DIS3L: variants seen among roughly 807,000 people sequenced by gnomAD.
DIS3L encodes the protein DIS3 like exosome 3'-5' exoribonuclease.
A neutral mutation model predicts 120.3 loss-of-function variants in DIS3L; 100 were observed. The observed-to-expected ratio is 0.83, with a 90% CI of 0.71 to 0.98. DIS3L has a LOEUF of 0.98. Ranked by LOEUF, DIS3L falls within the 50% of genes least tolerant of loss-of-function variation. DIS3L has a pLI of 0.00. For missense variants in DIS3L, 1,196 were observed against 1,314.2 expected, an observed-to-expected ratio of 0.91 and a Z score of 1.39; for synonymous variants, 426 against 470.6, an observed-to-expected ratio of 0.91 and a Z score of 1.23.
At position 66,318,560 on chromosome 15, in the gene DIS3L, C is replaced by T; in HGVS notation, c.1106C>T (p.Pro369Leu). 1 of 1,614,020 alleles carries T rather than the reference C, an allele frequency of 6.2e-7. No individual in the cohort carries two copies. The highest frequency in any genetic ancestry group is 8.5e-7 in the Non-Finnish European group (1 of 1,180,020). ...GKNAQKILVT[P>L]WDYRIPKIRI... ...AATGCTCAGAAAATCCTGGTTACAC[C>T]TTGGGATTACAGAATTCCCAAAATT... is the stretch of plus-strand genomic sequence containing the variant. The change falls in exon 8 of 17, where the codon CCT (proline) becomes CTT (leucine). Residue 369 changes from proline (P) to leucine (L), a missense_variant. Transcript: ENST00000319212.
In DIS3L at chr15:66,329,028, G is replaced by A; in HGVS notation, c.2260G>A (p.Val754Met). Residue 754 changes from valine (V) to methionine (M), a missense_variant, in exon 13 of 17, where the codon GTG becomes ATG. Val to Met is a conservative substitution (Grantham distance 21, BLOSUM62 1). Transcript: ENST00000319212. ...DNANDPHDPIVNRLLRSMATQ... is the reference protein window; with the variant it reads ...DNANDPHDPIMNRLLRSMATQ... The stretch of plus-strand genomic sequence containing the variant: ...TGCGAACGACCCCCACGATCCCATT[G>A]TGAACAGGCTACTGCGCTCCATGGC... The A allele has an allele frequency of 6.2e-7, 1 of 1,614,218 alleles. No individual in the cohort carries two copies. Among genetic ancestry groups the A allele is most frequent in the Non-Finnish European group, 8.5e-7 (1 of 1,180,038 alleles).
chr15:66,301,547 C>A (rs779184916), intron 2 of DIS3L, among the ~76,000 whole-genome samples: 72 of 152,146 alleles, frequency 4.7e-4, no homozygotes, highest in Non-Finnish European at 9.0e-4. Flanking sequence ...TCCCAAAGTG[C>A]TAGGATTACA....
chr15:66,324,631 T>G lies in DIS3L; in HGVS notation c.1667+1046T>G, dbSNP rs72748368. 8.2e-3 allele frequency among the ~76,000 whole-genome samples: 1,243 copies of G among 152,348 alleles called. 10 individuals are homozygous for G. Among genetic ancestry groups the G allele is most frequent in the Admixed American group, 0.014 (208 of 15,300 alleles). ...CAGTTATATTCCTGTCACCAATGTA[T>G]GAGAGTGCATATTTTCCTATAGCCT... On this transcript the variant is annotated intron_variant, in intron 11 of 16. Transcript: ENST00000319212.
chr15:66,311,648 G>C, intron 4 of DIS3L, 76 bp from the exon 5 acceptor site: 1 of 1,558,276 alleles, frequency 6.4e-7, no homozygotes, highest in Non-Finnish European at 8.8e-7. Flanking sequence ...TTCCTAGTCA[G>C]GAGTTTCTGT....
At chr15:66,317,344 G>GAA (rs1555403133) in intron 7 of DIS3L, among the ~76,000 whole-genome samples, 11 of 79,076 alleles carry the variant, frequency 1.4e-4, no homozygotes, top group Admixed American at 2.8e-4. Flanking sequence ...AATATTTGTG[G>GAA]GAAAAAAAAA....
intron 11 of DIS3L, among the ~76,000 whole-genome samples, chr15:66,324,160 T>A (rs772805750): frequency 2.6e-5 from 4 of 152,084 alleles, no homozygotes; most frequent in Non-Finnish European, 5.9e-5. Context: ...TGGTTGCATT[T>A]TATATATATA....
chr15:66,307,570 G>A (rs1012327270), intron 3 of DIS3L, among the ~76,000 whole-genome samples: 5 of 152,176 alleles, frequency 3.3e-5, no homozygotes, highest in Admixed American at 6.5e-5. Context: ...CCAAAGTGCT[G>A]GGATTATAGA....
chr15:66,311,157 G>A (rs1272290003), intron 4 of DIS3L, among the ~76,000 whole-genome samples: 2 of 151,888 alleles, frequency 1.3e-5, no homozygotes, highest in Non-Finnish European at 2.9e-5. Context: ...GAGCCCAGGA[G>A]TTTGAGACCA....
At chr15:66,307,378 C>T (rs1200357354) in intron 3 of DIS3L, among the ~76,000 whole-genome samples, 2 of 152,048 alleles carry the variant, frequency 1.3e-5, no homozygotes, top group East Asian at 3.9e-4. Context: ...CTCACTGCAG[C>T]CTCGACCTCC....
chr15:66,305,698 T>C (rs1477637619), intron 2 of DIS3L, among the ~76,000 whole-genome samples: 3 of 152,018 alleles, frequency 2.0e-5, no homozygotes, highest in Non-Finnish European at 2.9e-5. Flanking sequence ...CTAATTTTTG[T>C]ATTTTTAATT....
Position 66,293,712 on chromosome 15 carries a change from C to T in DIS3L, c.116C>T (p.Pro39Leu), listed in dbSNP as rs1355680257. Residue 39 changes from proline to leucine, a missense_variant, in exon 1 of 17, where the codon CCG becomes CTG. Physicochemically the swap from Pro to Leu is moderately conservative, Grantham distance 98 (BLOSUM62 -3). Transcript: ENST00000319212. ...PCVPCHSPLC[P>L]QPAACSHDGK... ...GTGCCCTGCCACAGCCCGCTCTGCC[C>T]GCAGCCCGCCGCCTGCAGCCACGGT... 3.0e-6 allele frequency: 4 copies of T among 1,324,778 alleles called. No individual in the cohort carries two copies. Among genetic ancestry groups the T allele is most frequent in the African/African-American group, 1.5e-5 (1 of 65,476 alleles). The allele number at this position is 1,324,778 out of a possible 1,614,324, so 82.1% of individuals were successfully genotyped here.
At chr15:66,327,509 G>C (rs901376040) in intron 12 of DIS3L, among the ~76,000 whole-genome samples, 4 of 152,058 alleles carry the variant, frequency 2.6e-5, no homozygotes, top group Non-Finnish European at 5.9e-5. Context: ...TGTAATCCCA[G>C]TACTTTGGGA....
chr15:66,304,695 G>A (rs958184807), intron 2 of DIS3L, among the ~76,000 whole-genome samples: 2 of 151,936 alleles, frequency 1.3e-5, no homozygotes, highest in Non-Finnish European at 2.9e-5. Flanking sequence ...GAGGTCAGGA[G>A]TTTGAGACCA....
intron 1 of DIS3L, chr15:66,293,978 C>A (rs2092554343): frequency 1.0e-6 from 1 of 992,040 alleles, no homozygotes; most frequent in African/African-American, 1.7e-5. Context: ...ATGGGAGGGC[C>A]CGACAGACCC....
At position 66,333,178 on chromosome 15, in the gene DIS3L, CAAG is replaced by C; in HGVS notation, c.3035_3037del (p.Glu1012del). ...ATCTGTGGAAGAAGCTCAGCTTGCC[CAAG>C]AAGTCAAAGTAAACATCATTCAGGA... On this transcript the variant is annotated inframe_deletion, in exon 17 of 17. Transcript: ENST00000319212. 6.2e-7 allele frequency: 1 copy of C among 1,613,870 alleles called. No individual in the cohort carries two copies. Among genetic ancestry groups the C allele is most frequent in the Non-Finnish European group, 8.5e-7 (1 of 1,179,994 alleles).
At chr15:66,321,771 A>G (rs1190666245) in intron 9 of DIS3L, among the ~76,000 whole-genome samples, 1 of 150,046 alleles carries the variant, frequency 6.7e-6, no homozygotes, top group Non-Finnish European at 1.5e-5. Context: ...CTCAAAAAAA[A>G]AAAAAAAAAT....
Position 66,329,837 on chromosome 15 carries a change from A to G in DIS3L, c.2535+438A>G, listed in dbSNP as rs557259541. ...TGAGGCAGGAGAATCTCTTGAACCC[A>G]GGAGGTGGAGATTGCAGTGGGCCGA... On this transcript the variant is annotated intron_variant, in intron 14 of 16. Transcript: ENST00000319212. 2.9e-4 allele frequency: 270 copies of G among 945,174 alleles called. No individual in the cohort carries two copies. In the Middle Eastern group the frequency reaches 4.9e-3, roughly 17 times the overall value. 58.5% of individuals were successfully genotyped at this position (945,174 alleles called of 1,614,324 possible). A position where few individuals can be genotyped will look rare whatever the true frequency, so the allele number is the denominator to read the frequency against.
chr15:66,293,996 A>AT, intron 1 of DIS3L: 1 of 990,066 alleles, frequency 1.0e-6, no homozygotes, highest in Non-Finnish European at 1.2e-6. Context: ...CCCGCACCCC[A>AT]TGCCGGAGGC....
At chr15:66,296,332 G>C (rs558673047) in intron 2 of DIS3L, among the ~76,000 whole-genome samples, 2 of 152,184 alleles carry the variant, frequency 1.3e-5, no homozygotes, top group Admixed American at 1.3e-4. Context: ...TTCAAGAGTA[G>C]TTAACTTGAT....
Sources: allele counts gnomAD v4.1 joint callset (sites outside exome capture counted in the v4.1 genomes callset), GRCh38; gene constraint gnomAD v4.1.1; transcripts MANE v1.5; gene names NCBI Gene and HGNC (gene_info 2026-07-23, HGNC 2026-07-21).